FANCA: variants seen among roughly 807,000 people sequenced by gnomAD.
FANCA encodes Fanconi anemia group A protein.
FANCA carries 236 observed loss-of-function variants against 194.3 expected under a neutral mutation model. The ratio of observed to expected loss-of-function variants is 1.21; its 90% CI spans 1.09 to 1.35. The LOEUF is 1.35. FANCA is among the 40% of genes most tolerant of loss of function. The probability of loss-of-function intolerance (pLI) is 0.00; values close to 1 mark genes in which losing one functional copy is unlikely to be tolerated. For missense variants in FANCA, 2,628 were observed against 1,813.9 expected, an observed-to-expected ratio of 1.45 and a Z score of -8.15; for synonymous variants, 1,014 against 715.8, an observed-to-expected ratio of 1.42 and a Z score of -6.65.
intron 6 of FANCA, among the ~76,000 whole-genome samples, chr16:89,806,713 G>C (rs531811744): frequency 3.9e-5 from 6 of 152,314 alleles, no homozygotes; most frequent in South Asian, 4.1e-4. Flanking sequence ...ATTTCTCTTA[G>C]TACAGAACAA....
chr16:89,802,028 C>T (rs1248423232), intron 8 of FANCA, among the ~76,000 whole-genome samples: 2 of 152,202 alleles, frequency 1.3e-5, no homozygotes, highest in Non-Finnish European at 2.9e-5. Context: ...GCACTATTAA[C>T]AATAGCCAAG....
At chr16:89,749,137 C>T (rs1255408666) in intron 32 of FANCA, among the ~76,000 whole-genome samples, 5 of 152,182 alleles carry the variant, frequency 3.3e-5, no homozygotes, top group East Asian at 1.9e-4. Context: ...ATGCAGCCGC[C>T]GTGGGCATTT....
chr16:89,748,209 T>G (rs956006170), intron 33 of FANCA, among the ~76,000 whole-genome samples: 2 of 152,250 alleles, frequency 1.3e-5, no homozygotes, highest in Non-Finnish European at 2.9e-5. Flanking sequence ...CCCAGCCTGC[T>G]GGTTAAGATC....
intron 28 of FANCA, chr16:89,762,908 C>G (rs1194123415): frequency 4.8e-6 from 1 of 210,370 alleles, no homozygotes; most frequent in African/African-American, 2.4e-5. Flanking sequence ...TGAGACCATC[C>G]TAGCTAACAC....
At chr16:89,772,910 C>A (rs1158051515) in intron 22 of FANCA, among the ~76,000 whole-genome samples, 2 of 152,282 alleles carry the variant, frequency 1.3e-5, no homozygotes, top group Non-Finnish European at 1.5e-5. Flanking sequence ...CACATGGAAG[C>A]AGGATCACAG....
chr16:89,796,994 T>G (rs527574419), intron 10 of FANCA, among the ~76,000 whole-genome samples: 48 of 151,642 alleles, frequency 3.2e-4, no homozygotes, highest in Non-Finnish European at 2.7e-4. Flanking sequence ...CCATCTCTAC[T>G]AAAAAAATAG....
chr16:89,761,477 G>A lies in FANCA; in HGVS notation c.2852+472C>T, dbSNP rs140653030. Among the ~76,000 whole-genome samples the A allele has an allele frequency of 5.1e-3, 759 of 148,136 alleles. 7 individuals are homozygous for A. The highest frequency in any genetic ancestry group is 0.017 in the African/African-American group (688 of 40,310). ...GCCACCGCGTGGAAGCTTTACTTTC[G>A]CTTTTGCTTTAATAAATCTTGCCAC... is the stretch of plus-strand genomic sequence containing the variant. On this transcript the variant is annotated intron_variant, in intron 29 of 42. Transcript: ENST00000389301.
intron 37 of FANCA, 149 bp downstream of exon 37, chr16:89,742,651 T>TAAAAAAAAAATAAAA (rs2062163433): frequency 3.6e-6 from 2 of 557,022 alleles, no homozygotes; most frequent in East Asian, 9.4e-5. Context: ...CTACTAAAAA[T>TAAAAAAAAAATAAAA]ACAAAAAAAA....
intron 8 of FANCA, among the ~76,000 whole-genome samples, chr16:89,802,101 C>T (rs1000628600): frequency 1.3e-5 from 2 of 152,116 alleles, no homozygotes; most frequent in Non-Finnish European, 2.9e-5. Context: ...GGTATATACA[C>T]ACAACGGAAT....
At chr16:89,801,496 T>A (rs935974705) in intron 8 of FANCA, among the ~76,000 whole-genome samples, 2 of 152,202 alleles carry the variant, frequency 1.3e-5, no homozygotes, top group African/African-American at 4.8e-5. Flanking sequence ...AACTCTTATA[T>A]GCTATCAGTG....
chr16:89,799,759 C>T (rs929945400), intron 8 of FANCA, 121 bp from the exon 9 acceptor site: 19 of 799,320 alleles, frequency 2.4e-5, no homozygotes, highest in Middle Eastern at 2.4e-4. Flanking sequence ...TTCAGGAGGC[C>T]GAGGCGGGCG....
rs539161141 is a variant in FANCA at position 89,770,577 on chromosome 16, C to A, written c.2209G>T (p.Ala737Ser). The A allele has an allele frequency of 5.6e-6, 9 of 1,610,330 alleles. No individual in the cohort carries two copies. The highest frequency in any genetic ancestry group is 1.1e-5 in the South Asian group (1 of 90,162). The change falls in exon 24 of 43, where the codon GCT (alanine) becomes TCT (serine). Residue 737 changes from alanine (A) to serine (S), a missense_variant. Physicochemically the swap from Ala to Ser is moderately conservative, Grantham distance 99. Transcript: ENST00000389301. ...CCGCGCCTTCACCTCTCCGGGGGAG[C>A]GACACTGGAGGCAGCCATCAGGTTC... ...CQNLMAASSV[A>S]PPERQGPWAA... is the part of the protein sequence containing the mutation.
intron 17 of FANCA, among the ~76,000 whole-genome samples, chr16:89,781,968 C>T (rs1452851687): frequency 6.6e-6 from 1 of 151,400 alleles, no homozygotes; most frequent in Non-Finnish European, 1.5e-5. Context: ...GACTGCGCCA[C>T]TGCACTCCAG....
intron 17 of FANCA, among the ~76,000 whole-genome samples, chr16:89,781,899 C>CA (rs1488311751): frequency 1.4e-4 from 13 of 91,300 alleles, no homozygotes; most frequent in African/African-American, 6.3e-4. Flanking sequence ...ATAGGCTACT[C>CA]GGGAGGCTGA....
At chr16:89,739,034 T>C in intron 41 of FANCA, 60 bp from the exon 42 acceptor site, 2 of 1,614,016 alleles carry the variant, frequency 1.2e-6, no homozygotes, top group South Asian at 2.2e-5. Context: ...GGCTGGTGTG[T>C]CCCCCATAGT....
At position 89,799,180 on chromosome 16, in the gene FANCA, C is replaced by G. The variant is rs767288683; in HGVS notation, c.879G>C (p.Lys293Asn). 3 of 1,614,186 alleles carry G rather than the reference C, an allele frequency of 1.9e-6. No homozygotes were observed. The highest frequency in any genetic ancestry group is 2.5e-6 in the Non-Finnish European group (3 of 1,180,036). ...CAGGAACATACCAGCACCTCACGAT[C>G]TTGTGAGTGGAGGACTCCTCCTGTA... The part of the protein sequence containing the change: ...AGVQEESSTH[K>N]IVRCWFGVFS... The change falls in exon 10 of 43, where the codon AAG becomes AAC. Residue 293 changes from lysine (K) to asparagine (N), a missense_variant. Coordinates refer to ENST00000389301, the MANE Select transcript of FANCA (RefSeq NM_000135.4).
chr16:89,799,499 A>G, intron 9 of FANCA, 106 bp downstream of exon 9: 2 of 1,187,604 alleles, frequency 1.7e-6, no homozygotes, highest in Non-Finnish European at 2.5e-6. Flanking sequence ...TGCACAGTGA[A>G]ACATACAGAG....
rs370053960 is a variant in FANCA at position 89,770,205 on chromosome 16, A to C, written c.2277T>G (p.Pro759=). The change falls in exon 25 of 43, where the codon CCT becomes CCG. Residue 759 remains proline (P), a synonymous_variant. Transcript: ENST00000389301. The part of the protein sequence containing the change: ...FVRTMCGRVL[P]AVLTRLCQLL... ...GCTGGCAGAGCCGGGTGAGCACTGC[A>C]GGGAGCACACGTCCACACATGGTCC... 3.8e-6 allele frequency: 6 copies of C among 1,594,262 alleles called. No homozygotes were observed. The African/African-American group carries it at 8.0e-5, about 21-fold the overall frequency.
At chr16:89,805,214 G>A in intron 7 of FANCA, 66 bp downstream of exon 7, 2 of 1,253,470 alleles carry the variant, frequency 1.6e-6, no homozygotes, top group Non-Finnish European at 1.2e-6. Context: ...GCTCTTGAGA[G>A]CAGAAGGCAT....
Sources: allele counts gnomAD v4.1 joint callset (sites outside exome capture counted in the v4.1 genomes callset), GRCh38; gene constraint gnomAD v4.1.1; transcripts MANE v1.5; gene names NCBI Gene and HGNC (gene_info 2026-07-23, HGNC 2026-07-21).